ACER3: variants seen among roughly 807,000 people sequenced by gnomAD.
ACER3 encodes the protein alkCDase 3.
In ACER3, 16 loss-of-function variants were observed where a neutral mutation model predicts 48.9. That is an observed-to-expected ratio of 0.33 (90% CI 0.22 to 0.50). The LOEUF is 0.50. ACER3 is among the 20% of genes least tolerant of loss of function. ACER3 has a pLI of 0.98. For synonymous variants in ACER3, 109 were observed against 107.8 expected, an observed-to-expected ratio of 1.01 and a Z score of -0.07; for missense variants, 227 against 326.0, an observed-to-expected ratio of 0.70 and a Z score of 2.34.
At chr11:76,930,814 A>C (rs1441614606) in intron 2 of ACER3, among the ~76,000 whole-genome samples, 1 of 152,086 alleles carries the variant, frequency 6.6e-6, no homozygotes, top group Non-Finnish European at 1.5e-5. Flanking sequence ...GTTTGATTGC[A>C]CTGTGGTCTG....
At chr11:76,879,070 T>A (rs1238997498) in intron 1 of ACER3, among the ~76,000 whole-genome samples, 10 of 152,132 alleles carry the variant, frequency 6.6e-5, no homozygotes, top group Admixed American at 6.5e-4. Flanking sequence ...ATAAGTCCAT[T>A]TGCCAAATGG....
intron 3 of ACER3, among the ~76,000 whole-genome samples, chr11:76,959,408 TC>T: frequency 6.6e-6 from 1 of 152,252 alleles, no homozygotes; most frequent in African/African-American, 2.4e-5. Context: ...ATAGTCTGAG[TC>T]CCTCTATGTA....
At chr11:76,984,986 T>C (rs1948659097) in intron 4 of ACER3, among the ~76,000 whole-genome samples, 1 of 152,154 alleles carries the variant, frequency 6.6e-6, no homozygotes, top group Non-Finnish European at 1.5e-5. Context: ...TTTTTGCCAT[T>C]CCTTCCTCTC....
At chr11:76,931,499 C>G (rs569039629) in intron 2 of ACER3, among the ~76,000 whole-genome samples, 11 of 152,200 alleles carry the variant, frequency 7.2e-5, no homozygotes, top group African/African-American at 2.6e-4. Context: ...TGAATTTGAT[C>G]CTGTCATTAT....
chr11:76,892,714 T>C (rs994421861), intron 1 of ACER3, among the ~76,000 whole-genome samples: 2 of 152,230 alleles, frequency 1.3e-5, no homozygotes, highest in African/African-American at 4.8e-5. Flanking sequence ...TTTTATTTTC[T>C]AGTCTAATTT....
At chr11:76,982,794 T>G (rs1366925605) in intron 4 of ACER3, among the ~76,000 whole-genome samples, 1 of 152,246 alleles carries the variant, frequency 6.6e-6, no homozygotes, top group African/African-American at 2.4e-5. Flanking sequence ...TCTTATAACT[T>G]TATTTTACAT....
chr11:76,930,133 C>T (rs1946954930), intron 2 of ACER3, among the ~76,000 whole-genome samples: 1 of 152,098 alleles, frequency 6.6e-6, no homozygotes, highest in African/African-American at 2.4e-5. Flanking sequence ...ATTATTGCGT[C>T]AATTTCAGAG....
chr11:77,013,406 T>C (rs1949307130), intron 7 of ACER3, among the ~76,000 whole-genome samples: 1 of 152,124 alleles, frequency 6.6e-6, no homozygotes, highest in Non-Finnish European at 1.5e-5. Context: ...TTCTTAAAAC[T>C]GAATAATAAG....
intron 10 of ACER3, 39 bp downstream of exon 10, chr11:77,019,815 T>A (rs782037986): frequency 6.3e-7 from 1 of 1,598,788 alleles, no homozygotes; most frequent in Non-Finnish European, 8.6e-7. Flanking sequence ...GTGTTGGGGG[T>A]ATGGTACTGG....
At chr11:76,930,335 A>G (rs1290416347) in intron 2 of ACER3, among the ~76,000 whole-genome samples, 2 of 151,798 alleles carry the variant, frequency 1.3e-5, no homozygotes, top group South Asian at 2.1e-4. Flanking sequence ...TTTTGATTGC[A>G]TCTATTTGAT....
chr11:76,967,812 A>T (rs1463789928), intron 3 of ACER3, among the ~76,000 whole-genome samples: 4 of 152,218 alleles, frequency 2.6e-5, no homozygotes, highest in Non-Finnish European at 5.9e-5. Flanking sequence ...AGAGCTACTT[A>T]TGACAAACCC....
At chr11:76,998,913 C>A in intron 7 of ACER3, 92 bp downstream of exon 7, 1 of 988,694 alleles carries the variant, frequency 1.0e-6, no homozygotes, top group Non-Finnish European at 1.4e-6. Context: ...CACATAAAAG[C>A]TCACTTCAGT....
intron 7 of ACER3, among the ~76,000 whole-genome samples, chr11:76,999,129 T>C (rs1223304908): frequency 4.6e-5 from 7 of 152,172 alleles, no homozygotes; most frequent in Non-Finnish European, 8.8e-5. Flanking sequence ...AAAAATCCTA[T>C]AGTTAAAAAA....
intron 1 of ACER3, 42 bp downstream of exon 1, chr11:76,861,121 C>G (rs6592674): frequency 6.6e-7 from 1 of 1,505,588 alleles, no homozygotes; most frequent in South Asian, 1.2e-5. Flanking sequence ...GAGAGGGCAC[C>G]GGGCTGAGGA....
At chr11:76,992,442 G>A (rs914627736) in intron 6 of ACER3, among the ~76,000 whole-genome samples, 3 of 152,000 alleles carry the variant, frequency 2.0e-5, no homozygotes, top group Admixed American at 6.5e-5. Context: ...TAACTACCCC[G>A]GTGCAATATC....
At chr11:77,005,204 T>A (rs1229754270) in intron 7 of ACER3, among the ~76,000 whole-genome samples, 2 of 152,024 alleles carry the variant, frequency 1.3e-5, no homozygotes, top group Non-Finnish European at 2.9e-5. Flanking sequence ...ACCCGGCTAA[T>A]TTTTTGTATT....
intron 1 of ACER3, among the ~76,000 whole-genome samples, chr11:76,896,355 A>T: frequency 6.6e-6 from 1 of 152,016 alleles, no homozygotes; most frequent in East Asian, 1.9e-4. Context: ...GCCATAGTTA[A>T]GGGGCATAAA....
intron 1 of ACER3, among the ~76,000 whole-genome samples, chr11:76,885,535 A>C (rs1469144745): frequency 6.6e-6 from 1 of 152,162 alleles, no homozygotes; most frequent in Non-Finnish European, 1.5e-5. Flanking sequence ...CACCAGGGTC[A>C]GTCGGGGGGC....
At chr11:77,007,661 C>T (rs1032297455) in intron 7 of ACER3, among the ~76,000 whole-genome samples, 3 of 152,212 alleles carry the variant, frequency 2.0e-5, no homozygotes, top group Non-Finnish European at 4.4e-5. Flanking sequence ...AACAGTGTCT[C>T]ATCATTGCCA....
Sources: gnomAD v4.1 joint callset for allele counts (sites outside exome capture counted in the v4.1 genomes callset) on GRCh38, gnomAD v4.1.1 for gene constraint, MANE v1.5 for transcripts, NCBI Gene and HGNC (gene_info 2026-07-23, HGNC 2026-07-21) for gene names.